The following GALNT13 variants were observed in gnomAD, a reference collection of about 807,000 sequenced individuals.
The protein encoded by GALNT13 is polypeptide N-acetylgalactosaminyltransferase 13.
GALNT13 carries 28 observed loss-of-function variants against 64.2 expected under a neutral mutation model. That is an observed-to-expected ratio of 0.44 (90% CI 0.32 to 0.60). GALNT13 has a LOEUF of 0.60. Ranked by LOEUF, GALNT13 falls within the 20% of genes least tolerant of loss-of-function variation. GALNT13 has a pLI of 0.05. For synonymous variants in GALNT13, 214 were observed against 224.6 expected, an observed-to-expected ratio of 0.95 and a Z score of 0.42; for missense variants, 577 against 669.8, an observed-to-expected ratio of 0.86 and a Z score of 1.53.
At chr2:153,428,325 T>G in the GALNT13 span, among the ~76,000 whole-genome samples, 1 of 152,118 alleles carries the variant, frequency 6.6e-6, no homozygotes, top group African/African-American at 2.4e-5. Flanking sequence ...GGGGAGCAAG[T>G]GTGTCACATG....
chr2:154,007,514 A>G (rs1258057405), intron 3 of GALNT13, among the ~76,000 whole-genome samples: 7 of 152,006 alleles, frequency 4.6e-5, no homozygotes, highest in Admixed American at 4.6e-4. Context: ...TTAGTATTAT[A>G]TTCTGAATTG....
At chr2:153,553,386 C>T in the GALNT13 span, among the ~76,000 whole-genome samples, 10 of 152,170 alleles carry the variant, frequency 6.6e-5, no homozygotes, top group South Asian at 2.1e-4. Context: ...CCTGTAGTCC[C>T]AGCTACTCAG....
the GALNT13 span, among the ~76,000 whole-genome samples, chr2:153,277,329 A>C: frequency 6.6e-6 from 1 of 152,072 alleles, no homozygotes; most frequent in Non-Finnish European, 1.5e-5. Context: ...TCCTGTGTTA[A>C]TTTGCTTAGG....
chr2:153,638,711 C>T, the GALNT13 span, among the ~76,000 whole-genome samples: 1 of 152,020 alleles, frequency 6.6e-6, no homozygotes, highest in African/African-American at 2.4e-5. Context: ...GCCACTGTCA[C>T]AGGTAGGTAG....
At chr2:154,175,173 C>T (rs1370064837) in intron 4 of GALNT13, among the ~76,000 whole-genome samples, 2 of 152,138 alleles carry the variant, frequency 1.3e-5, no homozygotes, top group African/African-American at 4.8e-5. Flanking sequence ...TGAATACACA[C>T]CTCTGTTAGG....
chr2:153,405,260 G>A, the GALNT13 span, among the ~76,000 whole-genome samples: 4 of 152,178 alleles, frequency 2.6e-5, no homozygotes, highest in Non-Finnish European at 5.9e-5. Context: ...AAGATTTGGA[G>A]GCAAAGCCTA....
At chr2:153,700,166 C>T in the GALNT13 span, among the ~76,000 whole-genome samples, 1 of 152,164 alleles carries the variant, frequency 6.6e-6, no homozygotes, top group Non-Finnish European at 1.5e-5. Context: ...TGGCTTCATC[C>T]CTGGGATGCA....
the GALNT13 span, chr2:153,172,214 T>C: frequency 0.64 from 96,603 of 152,014 alleles, 31,356 homozygotes; most frequent in East Asian, 0.84. Context: ...GAGTCCTATA[T>C]CTACCTGTGG....
intron 9 of GALNT13, among the ~76,000 whole-genome samples, chr2:154,316,418 T>A (rs1694322663): frequency 6.6e-6 from 1 of 151,822 alleles, no homozygotes; most frequent in African/African-American, 2.4e-5. Context: ...TCAACAAAAA[T>A]TTTTTATTAA....
At chr2:153,916,647 G>T (rs1689368244) in intron 2 of GALNT13, among the ~76,000 whole-genome samples, 1 of 152,148 alleles carries the variant, frequency 6.6e-6, no homozygotes, top group Non-Finnish European at 1.5e-5. Context: ...GGTGTGGATA[G>T]AATATGATAA....
chr2:153,956,377 G>A (rs1402252333), intron 3 of GALNT13, among the ~76,000 whole-genome samples: 1 of 152,146 alleles, frequency 6.6e-6, no homozygotes, highest in African/African-American at 2.4e-5. Flanking sequence ...TTCAGATATA[G>A]AGACCATTTT....
chr2:154,166,892 C>T (rs1685056814), intron 4 of GALNT13, among the ~76,000 whole-genome samples: 1 of 152,080 alleles, frequency 6.6e-6, no homozygotes, highest in African/African-American at 2.4e-5. Context: ...AAACCAAACA[C>T]CGCATGTTCT....
the GALNT13 span, chr2:153,420,775 C>G: frequency 4.3e-6 from 1 of 232,128 alleles, no homozygotes. Context: ...GCTTCTTCTC[C>G]CATCTCCTCA....
chr2:154,227,581 T>C (rs1490820501), intron 4 of GALNT13, among the ~76,000 whole-genome samples: 1 of 149,426 alleles, frequency 6.7e-6, no homozygotes, highest in Non-Finnish European at 1.5e-5. Context: ...ACATGCGGTG[T>C]TTGGTTTTTT....
chr2:153,910,232 A>G (rs756043367), intron 2 of GALNT13, among the ~76,000 whole-genome samples: 20 of 152,004 alleles, frequency 1.3e-4, no homozygotes, highest in Admixed American at 2.0e-4. Context: ...GAATAGAGGT[A>G]TTCGTAGTAG....
intron 11 of GALNT13, among the ~76,000 whole-genome samples, chr2:154,429,240 C>T (rs1403989433): frequency 4.0e-5 from 6 of 151,850 alleles, no homozygotes; most frequent in Admixed American, 2.0e-4. Flanking sequence ...TGTCAAGAGC[C>T]GACACAGGCC....
chr2:153,512,140 A>G, the GALNT13 span, among the ~76,000 whole-genome samples: 1 of 152,140 alleles, frequency 6.6e-6, no homozygotes, highest in African/African-American at 2.4e-5. Flanking sequence ...GGACATTGAA[A>G]CCACTAAAAC....
chr2:153,579,006 C>T, the GALNT13 span, among the ~76,000 whole-genome samples: 34 of 152,264 alleles, frequency 2.2e-4, no homozygotes, highest in African/African-American at 7.5e-4. Flanking sequence ...TAGGCAATTC[C>T]CAGTAAGAAC....
At chr2:153,699,600 C>T in the GALNT13 span, among the ~76,000 whole-genome samples, 5 of 151,410 alleles carry the variant, frequency 3.3e-5, no homozygotes, top group Non-Finnish European at 7.4e-5. Context: ...GCAAGCTAGA[C>T]TAATAAAGAA....
Sources: gnomAD v4.1 joint callset for allele counts (sites outside exome capture counted in the v4.1 genomes callset) on GRCh38, gnomAD v4.1.1 for gene constraint, MANE v1.5 for transcripts, NCBI Gene and HGNC (gene_info 2026-07-23, HGNC 2026-07-21) for gene names.